The following STXBP6 variants were observed in gnomAD, a reference collection of about 807,000 sequenced individuals.
STXBP6 encodes syntaxin-binding protein 6.
Under a neutral mutation model 26.9 loss-of-function variants are expected in STXBP6, and 21 were observed. The observed-to-expected ratio is 0.78, with a 90% CI of 0.55 to 1.12. The LOEUF is 1.12. Among genes scored for constraint, STXBP6 ranks in the 50% most tolerant of loss-of-function variants. The pLI, the probability that STXBP6 is intolerant of heterozygous loss-of-function variation, is 0.00. For missense variants in STXBP6, 232 were observed against 257.9 expected (o/e 0.90, Z 0.69); for synonymous variants, 97 against 92.6 (o/e 1.05, Z -0.27).
chr14:25,033,560 A>G (rs1488993898), intron 1 of STXBP6, among the ~76,000 whole-genome samples: 1 of 152,144 alleles, frequency 6.6e-6, no homozygotes, highest in East Asian at 1.9e-4. Context: ...CCTTGCTCAT[A>G]CCAAGGTCCT....
chr14:24,897,437 A>G (rs980236670), intron 2 of STXBP6, among the ~76,000 whole-genome samples: 1 of 151,482 alleles, frequency 6.6e-6, no homozygotes, highest in Non-Finnish European at 1.5e-5. Flanking sequence ...AGGAAAAAAA[A>G]AAAAAGAAAA....
intron 1 of STXBP6, among the ~76,000 whole-genome samples, chr14:25,026,637 T>G (rs1311855076): frequency 2.0e-5 from 3 of 152,212 alleles, no homozygotes; most frequent in African/African-American, 7.2e-5. Flanking sequence ...AGAGAGAGGA[T>G]GGTGGCTCCA....
intron 1 of STXBP6, among the ~76,000 whole-genome samples, chr14:25,046,484 AAAAC>A (rs2075728704): frequency 6.6e-6 from 1 of 152,340 alleles, no homozygotes; most frequent in African/African-American, 2.4e-5. Context: ...TTTTAAAACT[AAAAC>A]AAAGCACAAA....
At chr14:24,985,466 A>C (rs1040504767) in intron 1 of STXBP6, among the ~76,000 whole-genome samples, 1 of 152,204 alleles carries the variant, frequency 6.6e-6, no homozygotes, top group African/African-American at 2.4e-5. Context: ...GCTGGTTCTC[A>C]AGGGAAGTCC....
intron 1 of STXBP6, among the ~76,000 whole-genome samples, chr14:25,028,793 T>C (rs572582041): frequency 6.6e-6 from 1 of 152,244 alleles, no homozygotes; most frequent in African/African-American, 2.4e-5. Context: ...TTTACAAATA[T>C]TTGTGATTCA....
chr14:24,901,358 A>G (rs980119253), intron 2 of STXBP6, among the ~76,000 whole-genome samples: 3 of 152,176 alleles, frequency 2.0e-5, no homozygotes, highest in Non-Finnish European at 4.4e-5. Context: ...CCCCCCAAAA[A>G]AAGACTGGCT....
rs1026102882 is a variant in STXBP6, at chr14:24,896,904, C to G, written c.155-39747G>C. Among the ~76,000 whole-genome samples, 4 of 152,004 alleles carry G rather than the reference C, an allele frequency of 2.6e-5. No homozygotes were observed. The South Asian group carries it at 6.2e-4, about 24-fold the overall frequency. On this transcript the variant is annotated intron_variant, in intron 2 of 5. Transcript: ENST00000323944. ...TGTTAGTGGGGCCCAAGTGAATGGG[C>G]ATTTGGGGAGGGGGTTACTATTTCA... is the stretch of plus-strand genomic sequence containing the variant.
At chr14:24,832,155 T>A (rs854396) in intron 4 of STXBP6, among the ~76,000 whole-genome samples, 35,774 of 152,156 alleles carry the variant, frequency 0.24, 4,888 homozygotes, top group Non-Finnish European at 0.31. Context: ...CATGTACACA[T>A]GTGCCAGTTT....
chr14:25,044,860 TCC>T (rs1166933693), intron 1 of STXBP6, among the ~76,000 whole-genome samples: 1 of 152,226 alleles, frequency 6.6e-6, no homozygotes, highest in Non-Finnish European at 1.5e-5. Context: ...AAGTCTTTAC[TCC>T]TGCTTCATTA....
intron 1 of STXBP6, among the ~76,000 whole-genome samples, chr14:24,997,521 T>G (rs1367450168): frequency 6.6e-6 from 1 of 152,246 alleles, no homozygotes; most frequent in Non-Finnish European, 1.5e-5. Context: ...TGTTTCCCTG[T>G]GTTTATTGAC....
chr14:25,008,040 C>G (rs2074943388), intron 1 of STXBP6, among the ~76,000 whole-genome samples: 1 of 152,186 alleles, frequency 6.6e-6, no homozygotes, highest in African/African-American at 2.4e-5. Context: ...GCTCTGTCAG[C>G]TGGCACTGGC....
At chr14:24,888,058 T>C (rs535860598) in intron 2 of STXBP6, among the ~76,000 whole-genome samples, 1 of 152,222 alleles carries the variant, frequency 6.6e-6, no homozygotes, top group Non-Finnish European at 1.5e-5. Flanking sequence ...GCAAAGCCAA[T>C]ATACTTCTGT....
intron 2 of STXBP6, among the ~76,000 whole-genome samples, chr14:24,886,105 C>T (rs1207865016): frequency 2.6e-5 from 4 of 152,190 alleles, no homozygotes; most frequent in Non-Finnish European, 5.9e-5. Flanking sequence ...CAGGGCAGGA[C>T]ACTCCGACAA....
At chr14:24,960,771 G>A (rs2073509548) in intron 2 of STXBP6, among the ~76,000 whole-genome samples, 1 of 152,208 alleles carries the variant, frequency 6.6e-6, no homozygotes, top group Non-Finnish European at 1.5e-5. Context: ...ATCATTAGTA[G>A]ACAGGCTCTT....
intron 2 of STXBP6, among the ~76,000 whole-genome samples, chr14:24,893,796 G>GTATC (rs2070877345): frequency 6.6e-6 from 1 of 152,128 alleles, no homozygotes; most frequent in Admixed American, 6.5e-5. Flanking sequence ...CTTAGTAACT[G>GTATC]TAAGATCACA....
intron 2 of STXBP6, among the ~76,000 whole-genome samples, chr14:24,875,920 T>C (rs982788151): frequency 2.6e-5 from 4 of 152,154 alleles, no homozygotes; most frequent in Admixed American, 1.3e-4. Context: ...AAATGACAAG[T>C]TCCTAAGCGT....
chr14:25,026,497 C>A (rs1015928725), intron 1 of STXBP6, among the ~76,000 whole-genome samples: 1 of 152,160 alleles, frequency 6.6e-6, no homozygotes, highest in Non-Finnish European at 1.5e-5. Flanking sequence ...AATACTGCTG[C>A]AGCAAAACTT....
At chr14:24,980,491 T>C (rs571550841) in intron 1 of STXBP6, among the ~76,000 whole-genome samples, 13 of 152,336 alleles carry the variant, frequency 8.5e-5, no homozygotes, top group African/African-American at 3.1e-4. Flanking sequence ...TAACTACTAG[T>C]TCTTATAAGT....
intron 1 of STXBP6, among the ~76,000 whole-genome samples, chr14:25,013,084 C>T (rs367711404): frequency 1.3e-5 from 2 of 152,014 alleles, no homozygotes; most frequent in South Asian, 4.2e-4. Flanking sequence ...AGAGAAAGAC[C>T]CCACCTCTTA....
Sources: gnomAD v4.1 joint callset for allele counts (sites outside exome capture counted in the v4.1 genomes callset) on GRCh38, gnomAD v4.1.1 for gene constraint, MANE v1.5 for transcripts, NCBI Gene and HGNC (gene_info 2026-07-23, HGNC 2026-07-21) for gene names.